TAFA2: variants seen among roughly 807,000 people sequenced by gnomAD.
TAFA2 encodes the protein TAFA chemokine like family member 2, also known as chemokine-like protein TAFA-2.
In TAFA2, 7 loss-of-function variants were observed where a neutral mutation model predicts 18.8. The observed-to-expected ratio is 0.37, with a 90% CI of 0.21 to 0.70. The LOEUF is 0.70. Among genes scored for constraint, TAFA2 ranks in the 30% least tolerant of loss-of-function variants. The pLI is 0.53. For synonymous variants in TAFA2, 60 were observed against 54.2 expected (o/e 1.11, Z -0.47); for missense variants, 122 against 158.1 (o/e 0.77, Z 1.23).
intron 1 of TAFA2, among the ~76,000 whole-genome samples, chr12:61,952,824 G>C (rs1180698302): frequency 3.3e-5 from 5 of 151,912 alleles, no homozygotes; most frequent in African/African-American, 4.8e-5. Flanking sequence ...AATTAAATAC[G>C]TGATTATATG....
At chr12:61,744,426 A>T (rs1300241503) in intron 4 of TAFA2, among the ~76,000 whole-genome samples, 1 of 152,140 alleles carries the variant, frequency 6.6e-6, no homozygotes, top group Admixed American at 6.6e-5. Flanking sequence ...TTGGACATAG[A>T]GCCGGATGAT....
chr12:61,725,875 A>G (rs1460049295), intron 4 of TAFA2, among the ~76,000 whole-genome samples: 1 of 152,148 alleles, frequency 6.6e-6, no homozygotes, highest in African/African-American at 2.4e-5. Flanking sequence ...CTATGCAGAC[A>G]CAAAGGCATA....
chr12:61,789,506 A>G (rs1287584444), intron 2 of TAFA2, among the ~76,000 whole-genome samples: 1 of 151,798 alleles, frequency 6.6e-6, no homozygotes, highest in Non-Finnish European at 1.5e-5. Flanking sequence ...ACACACAGAC[A>G]CAGGGAGGGG....
rs566500317 is a variant in TAFA2 at position 61,949,162 on chromosome 12, C to G, written c.-1-81736G>C. On this transcript the variant is annotated intron_variant, in intron 1 of 4. Coordinates refer to ENST00000416284, the MANE Select transcript of TAFA2 (RefSeq NM_178539.5). The stretch of plus-strand genomic sequence containing the variant: ...CTCCCTACTGTGGATGGGTCTCATC[C>G]AATCAGTTGAAGACCTGAATAGAAC... Among the ~76,000 whole-genome samples the G allele has an allele frequency of 3.0e-3, 455 of 152,254 alleles. 2 individuals carry two copies. Among genetic ancestry groups the G allele is most frequent in the African/African-American group, 9.7e-3 (403 of 41,554 alleles).
chr12:62,189,238 T>C (rs993069824), intron 1 of TAFA2, among the ~76,000 whole-genome samples: 1 of 152,202 alleles, frequency 6.6e-6, no homozygotes, highest in African/African-American at 2.4e-5. Context: ...CTAAAGCCAT[T>C]TGCCTCTTAA....
At chr12:62,197,697 A>G (rs1462675076), upstream of TAFA2, among the ~76,000 whole-genome samples, 1 of 152,142 alleles carries the variant, frequency 6.6e-6, no homozygotes, top group Non-Finnish European at 1.5e-5. Flanking sequence ...ATTGAATAGT[A>G]TTTTATGTGT....
chr12:62,208,925 T>G lies in TAFA2; in HGVS notation c.-130+49838A>C, dbSNP rs2062702843. Among the ~76,000 whole-genome samples the G allele has an allele frequency of 1.3e-5, 2 of 152,244 alleles. 1 individual carries two copies. The highest frequency in any genetic ancestry group is 4.1e-4 in the South Asian group (2 of 4,832). ...TACCAGCTCCAGGTTATCTCTCTGT[T>G]GACTTTGTCATGCTGGTAGTCATCT... On this transcript the variant is annotated intron_variant, in intron 1 of 5. Coordinates refer to the TAFA2 transcript ENST00000551619.
At chr12:61,832,521 C>A (rs917117521) in intron 2 of TAFA2, among the ~76,000 whole-genome samples, 1 of 152,018 alleles carries the variant, frequency 6.6e-6, no homozygotes, top group Non-Finnish European at 1.5e-5. Context: ...AACAAGCCAC[C>A]CCCACTAGGC....
At chr12:61,807,782 C>T (rs1296151109) in intron 2 of TAFA2, among the ~76,000 whole-genome samples, 2 of 151,432 alleles carry the variant, frequency 1.3e-5, no homozygotes, top group Non-Finnish European at 2.9e-5. Context: ...GATTTGACCG[C>T]CCCACTGGAT....
At chr12:61,894,466 A>C (rs1021112971) in intron 1 of TAFA2, among the ~76,000 whole-genome samples, 6 of 152,228 alleles carry the variant, frequency 3.9e-5, no homozygotes, top group African/African-American at 1.4e-4. Context: ...TACAGTTATA[A>C]ATGCAGATTA....
chr12:62,129,771 T>A (rs1870607918), intron 1 of TAFA2, among the ~76,000 whole-genome samples: 1 of 151,948 alleles, frequency 6.6e-6, no homozygotes, highest in Admixed American at 6.6e-5. Context: ...ACGAAATGCT[T>A]CTAGCACCTC....
chr12:61,886,991 C>CT (rs1478830348), intron 1 of TAFA2, among the ~76,000 whole-genome samples: 1 of 152,158 alleles, frequency 6.6e-6, no homozygotes, highest in Non-Finnish European at 1.5e-5. Flanking sequence ...AATCATAATG[C>CT]TTTCTCAAAA....
At chr12:61,992,396 C>T (rs529006588) in intron 1 of TAFA2, among the ~76,000 whole-genome samples, 18 of 152,256 alleles carry the variant, frequency 1.2e-4, no homozygotes, top group Admixed American at 5.9e-4. Flanking sequence ...AGCCTATAAG[C>T]TCTTTGTTGA....
chr12:61,923,594 CA>C (rs1565682813), intron 1 of TAFA2, among the ~76,000 whole-genome samples: 1 of 152,090 alleles, frequency 6.6e-6, no homozygotes, highest in Non-Finnish European at 1.5e-5. Context: ...TCACCAACAT[CA>C]AAGACCAAAG....
At chr12:61,785,319 TTGTGTGTGTG>T (rs57166010) in intron 2 of TAFA2, among the ~76,000 whole-genome samples, 3,920 of 140,172 alleles carry the variant, frequency 0.028, 145 homozygotes, top group African/African-American at 0.091. Context: ...AATAGTATTC[TTGTGTGTGTG>T]TGTGTGTGTG....
At chr12:61,757,869 G>C (rs1869349338) in intron 2 of TAFA2, among the ~76,000 whole-genome samples, 1 of 152,038 alleles carries the variant, frequency 6.6e-6, no homozygotes, top group Non-Finnish European at 1.5e-5. Flanking sequence ...TAGTGGCCAA[G>C]AGTATAGACT....
At chr12:61,804,597 T>C (rs1871533618) in intron 2 of TAFA2, among the ~76,000 whole-genome samples, 1 of 152,086 alleles carries the variant, frequency 6.6e-6, no homozygotes, top group African/African-American at 2.4e-5. Context: ...GTGACATGCA[T>C]ACAGTTTATC....
At chr12:62,185,006 C>T (rs1042539939) in intron 1 of TAFA2, among the ~76,000 whole-genome samples, 1 of 152,092 alleles carries the variant, frequency 6.6e-6, no homozygotes, top group African/African-American at 2.4e-5. Flanking sequence ...ACCCAAATAG[C>T]AAGCTAATGA....
In TAFA2 at chr12:62,000,631, T is replaced by A. The variant is rs527238651; in HGVS notation, c.-1-133205A>T. On this transcript the variant is annotated intron_variant, in intron 1 of 4. Coordinates refer to ENST00000416284, the MANE Select transcript of TAFA2 (RefSeq NM_178539.5). Reference sequence around the variant, plus strand: ...ATAAATATGTGCACACACAAAAAAATGTACAAAGGTGTTTAAAGCAGTATT... The same window carrying A: ...ATAAATATGTGCACACACAAAAAAAAGTACAAAGGTGTTTAAAGCAGTATT... Among the ~76,000 whole-genome samples the A allele has an allele frequency of 1.4e-4, 21 of 148,802 alleles. 3 individuals carry two copies. In the South Asian group the frequency reaches 3.4e-3, roughly 24 times the overall value.
Sources: gnomAD v4.1 joint callset for allele counts (sites outside exome capture counted in the v4.1 genomes callset) on GRCh38, gnomAD v4.1.1 for gene constraint, MANE v1.5 for transcripts, NCBI Gene and HGNC (gene_info 2026-07-23, HGNC 2026-07-21) for gene names.